Variants in TRIP12 observed in about 807,000 individuals in gnomAD.
TRIP12 encodes the protein E3 ubiquitin-protein ligase TRIP12.
A neutral mutation model predicts 244.2 loss-of-function variants in TRIP12; 25 were observed. The observed-to-expected ratio is 0.10, with a 90% CI of 0.07 to 0.14. TRIP12 has a LOEUF of 0.14. Ranked by LOEUF, TRIP12 falls within the 10% of genes least tolerant of loss-of-function variation. The pLI is 1.00. For synonymous variants in TRIP12, 905 were observed against 873.1 expected (o/e 1.04, Z -0.64); for missense variants, 1,677 against 2,486.4 (o/e 0.67, Z 6.92).
intron 7 of TRIP12, among the ~76,000 whole-genome samples, chr2:229,830,122 T>C (rs1236030260): frequency 1.3e-5 from 2 of 152,124 alleles, no homozygotes; most frequent in East Asian, 1.9e-4. Flanking sequence ...TACATACCCA[T>C]CCATACATAG....
At chr2:229,824,763 G>C (rs2051062869) in intron 8 of TRIP12, among the ~76,000 whole-genome samples, 1 of 152,208 alleles carries the variant, frequency 6.6e-6, no homozygotes, top group East Asian at 1.9e-4. Context: ...AGATATTTAT[G>C]GATTTTTTAA....
rs1324840396 is a variant in TRIP12, at chr2:229,893,465, A to G, written c.-49-13337T>C. ...CCTCCCCAATCAGTCCCTGCACTTC[A>G]CCTCCCAACTCTGCAACTACTGTTC... On this transcript the variant is annotated intron_variant, in intron 1 of 41. Coordinates refer to ENST00000675903, the MANE Select transcript of TRIP12 (RefSeq NM_001348323.3). 4.7e-5 allele frequency among the ~76,000 whole-genome samples: 7 copies of G among 148,404 alleles called. No homozygotes were observed. The East Asian group carries it at 1.4e-3, about 29-fold the overall frequency.
chr2:229,786,564 ATTTTTTTTTTTT>A (rs34969936), intron 33 of TRIP12, among the ~76,000 whole-genome samples: 22 of 78,022 alleles, frequency 2.8e-4, no homozygotes, highest in South Asian at 1.6e-3. Flanking sequence ...CGCCCAGATA[ATTTTTTTTTTTT>A]TTTTTTTTTT....
At chr2:229,783,750 C>T (rs1387024818) in intron 34 of TRIP12, among the ~76,000 whole-genome samples, 1 of 150,826 alleles carries the variant, frequency 6.6e-6, no homozygotes, top group African/African-American at 2.4e-5. Flanking sequence ...TTTGTAGACA[C>T]TGGCAGGCTG....
intron 13 of TRIP12, among the ~76,000 whole-genome samples, chr2:229,812,622 A>G (rs2047548290): frequency 6.6e-6 from 1 of 152,230 alleles, no homozygotes; most frequent in South Asian, 2.1e-4. Flanking sequence ...CCTGGCCAAC[A>G]TGGCGAAACC....
At chr2:229,886,268 T>C (rs921433044) in intron 1 of TRIP12, among the ~76,000 whole-genome samples, 3 of 152,298 alleles carry the variant, frequency 2.0e-5, no homozygotes, top group East Asian at 1.9e-4. Context: ...TAGTTCACGT[T>C]TGAATTAAGG....
chr2:229,859,320 T>C lies in TRIP12; in HGVS notation c.479A>G (p.Gln160Arg). The change falls in exon 4 of 42, where the codon CAG becomes CGG. Residue 160 changes from glutamine (Q) to arginine (R), a missense_variant. By Grantham distance (43) the Gln-to-Arg change is conservative. This residue lies in a region of TRIP12 where 387 missense variants were observed against 392.6 expected (regional missense o/e 0.99). Transcript: ENST00000675903. ...TTGTGCAGATTTCAGTTGTTGCTCCTGGTCTAAATGTCTCTTCTTTGACTT... is the reference window on the plus strand; with the variant it reads ...TTGTGCAGATTTCAGTTGTTGCTCCCGGTCTAAATGTCTCTTCTTTGACTT... ...HSKSKKRHLDQEQQLKSAQSP... is the reference protein window; with the variant it reads ...HSKSKKRHLDREQQLKSAQSP... The C allele has an allele frequency of 6.2e-7, 1 of 1,614,240 alleles. No homozygotes were observed. The highest frequency in any genetic ancestry group is 8.5e-7 in the Non-Finnish European group (1 of 1,180,040).
intron 4 of TRIP12, among the ~76,000 whole-genome samples, chr2:229,857,855 C>T (rs1335468570): frequency 6.6e-6 from 1 of 152,188 alleles, no homozygotes; most frequent in Admixed American, 6.5e-5. Context: ...ATTCTTTCTA[C>T]TCCACTGTAA....
rs1432634318 is a variant in TRIP12, at chr2:229,791,268, G to C, written c.4416-17C>G. 1 of 1,612,790 alleles carries C rather than the reference G, an allele frequency of 6.2e-7. No individual in the cohort carries two copies. Among genetic ancestry groups the C allele is most frequent in the Admixed American group, 1.7e-5 (1 of 59,814 alleles). On this transcript the variant is annotated splice_polypyrimidine_tract_variant and intron_variant, in intron 29 of 41. Transcript: ENST00000675903. ...GGTTTATACCTAAAATGACAAGACA[G>C]TATATAAACCAAATGTAGATTTTGA...
intron 25 of TRIP12, 106 bp from the exon 26 acceptor site, chr2:229,795,436 T>A: frequency 7.7e-7 from 1 of 1,291,576 alleles, no homozygotes. Context: ...ATAATTTGTC[T>A]ATTCATCTTT....
intron 4 of TRIP12, among the ~76,000 whole-genome samples, chr2:229,850,908 A>AC (rs1315932849): frequency 6.6e-6 from 1 of 152,204 alleles, no homozygotes; most frequent in African/African-American, 2.4e-5. Flanking sequence ...GTGCCAGACC[A>AC]CCGGCGCTGC....
intron 37 of TRIP12, among the ~76,000 whole-genome samples, chr2:229,775,731 G>C (rs2036028441): frequency 6.6e-6 from 1 of 151,324 alleles, no homozygotes; most frequent in Non-Finnish European, 1.5e-5. Context: ...TATTTCTTTA[G>C]AGAATTTAAG....
chr2:229,846,717 C>T (rs923433208), intron 4 of TRIP12, among the ~76,000 whole-genome samples: 1 of 152,068 alleles, frequency 6.6e-6, no homozygotes, highest in East Asian at 1.9e-4. Context: ...AAAGGAATCA[C>T]AGACTTTTAT....
intron 23 of TRIP12, among the ~76,000 whole-genome samples, chr2:229,798,131 AAAGT>A (rs2043268661): frequency 6.6e-6 from 1 of 152,178 alleles, no homozygotes. Context: ...TTTACTTCCT[AAAGT>A]ACATACATAT....
intron 1 of TRIP12, among the ~76,000 whole-genome samples, chr2:229,895,902 G>A (rs193297004): frequency 3.9e-5 from 6 of 152,002 alleles, no homozygotes; most frequent in African/African-American, 1.2e-4. Context: ...CAGGAGGATC[G>A]CTTGAGCCCA....
intron 13 of TRIP12, 44 bp from the exon 14 acceptor site, chr2:229,811,248 A>T (rs1043109991): frequency 2.9e-5 from 45 of 1,564,892 alleles, no homozygotes; most frequent in Non-Finnish European, 3.7e-5. Context: ...AGCATAAAGC[A>T]TTTTCACTGT....
At chr2:229,783,937 CCT>C (rs1162085432) in intron 34 of TRIP12, among the ~76,000 whole-genome samples, 1 of 151,502 alleles carries the variant, frequency 6.6e-6, no homozygotes, top group Non-Finnish European at 1.5e-5. Context: ...ATGCAGAAAC[CCT>C]GTCTCTACTA....
intron 2 of TRIP12, among the ~76,000 whole-genome samples, chr2:229,864,047 A>AGAGAGAGAGAGAGAGTGAGTGTGTGT: frequency 2.5e-5 from 2 of 79,290 alleles, no homozygotes; most frequent in African/African-American, 4.9e-5. Context: ...AGAGAGAGAG[A>AGAGAGAGAGAGAGAGTGAGTGTGTGT]GTGTGTGTGT....
rs2037119709 is a variant in TRIP12 at position 229,778,740 on chromosome 2, T to C, written c.5209+136A>G. The C allele has an allele frequency of 1.5e-6, 2 of 1,335,766 alleles. No individual in the cohort carries two copies. The highest frequency in any genetic ancestry group is 1.5e-5 in the African/African-American group (1 of 68,182). The allele number at this position is 1,335,766 out of a possible 1,614,324, so 82.7% of individuals were successfully genotyped here. On this transcript the variant is annotated intron_variant, in intron 35 of 41. Coordinates refer to ENST00000675903, the MANE Select transcript of TRIP12 (RefSeq NM_001348323.3). This position sits in a 1 kb window ranked among gnomAD's most constrained non-coding sequence, Gnocchi z 4.1. ...CTAGAACTGGACAGGCCTTCCCTAT[T>C]TGATAAATGAGAAAACAGAGGCTAA...
Sources: gnomAD v4.1 joint callset for allele counts (sites outside exome capture counted in the v4.1 genomes callset) on GRCh38, gnomAD v4.1.1 for gene constraint, gnomAD v4.1.1 regional missense constraint, Gnocchi (gnomAD v3.1) non-coding constraint, MANE v1.5 for transcripts, NCBI Gene and HGNC (gene_info 2026-07-23, HGNC 2026-07-21) for gene names.